Variants in AIG1 observed in about 807,000 individuals in gnomAD.
The protein encoded by AIG1 is androgen-induced gene 1 protein.
Under a neutral mutation model 31.4 loss-of-function variants are expected in AIG1, and 23 were observed. The observed-to-expected ratio is 0.73, with a 90% confidence interval of 0.53 to 1.04. The LOEUF (loss-of-function observed/expected upper bound fraction) is 1.04. Ranked by LOEUF, AIG1 falls within the 50% of genes least tolerant of loss-of-function variation. The pLI is 0.00. For synonymous variants in AIG1, 100 were observed against 110.5 expected, an observed-to-expected ratio of 0.90 and a Z score of 0.60; for missense variants, 274 against 295.0, an observed-to-expected ratio of 0.93 and a Z score of 0.52.
intron 1 of AIG1, among the ~76,000 whole-genome samples, chr6:143,096,347 G>T (rs1417119045): frequency 2.0e-5 from 3 of 152,190 alleles, no homozygotes; most frequent in Admixed American, 2.0e-4. Context: ...CTGAATATGG[G>T]CTTTTCCTGC....
At chr6:143,128,839 A>C (rs1029942868) in intron 1 of AIG1, among the ~76,000 whole-genome samples, 1 of 152,208 alleles carries the variant, frequency 6.6e-6, no homozygotes, top group African/African-American at 2.4e-5. Context: ...ACTGCTTCTT[A>C]AATAAGCAAA....
intron 4 of AIG1, among the ~76,000 whole-genome samples, chr6:143,311,457 T>C (rs1018980390): frequency 2.0e-5 from 3 of 151,892 alleles, no homozygotes; most frequent in Non-Finnish European, 4.4e-5. Flanking sequence ...AAAATAATTA[T>C]TCACCAAAAC....
intron 2 of AIG1, among the ~76,000 whole-genome samples, chr6:143,148,916 T>C (rs1481491979): frequency 6.6e-6 from 1 of 152,178 alleles, no homozygotes; most frequent in East Asian, 1.9e-4. Flanking sequence ...TACAATTGTG[T>C]TGCCGTTGCC....
In AIG1 at chr6:143,255,185, C is replaced by T. The variant is rs113468772; in HGVS notation, c.400-28925C>T. Among the ~76,000 whole-genome samples, 29 of 152,302 alleles carry T rather than the reference C, an allele frequency of 1.9e-4. 1 individual carries two copies. Among genetic ancestry groups the T allele is most frequent in the African/African-American group, 7.0e-4 (29 of 41,550 alleles). Reference sequence around the variant, plus strand: ...TCAGGTATGGAACAGCAGGGGCCTGCAGTTAGCAACAATAATTGAGCCACC... The same window carrying T: ...TCAGGTATGGAACAGCAGGGGCCTGTAGTTAGCAACAATAATTGAGCCACC... On this transcript the variant is annotated intron_variant, in intron 3 of 5. Transcript: ENST00000357847.
intron 3 of AIG1, among the ~76,000 whole-genome samples, chr6:143,232,601 T>G (rs750591449): frequency 2.0e-5 from 3 of 152,208 alleles, no homozygotes; most frequent in Non-Finnish European, 4.4e-5. Flanking sequence ...AAAAATTGAT[T>G]TTTCTAGCCC....
intron 3 of AIG1, among the ~76,000 whole-genome samples, chr6:143,263,467 A>T (rs1026124929): frequency 1.3e-5 from 2 of 152,118 alleles, no homozygotes; most frequent in African/African-American, 4.8e-5. Flanking sequence ...TTTCCTGTAC[A>T]TACACCACAT....
intron 1 of AIG1, among the ~76,000 whole-genome samples, chr6:143,085,235 C>T (rs930869892): frequency 1.2e-4 from 19 of 152,086 alleles, no homozygotes; most frequent in African/African-American, 4.3e-4. Context: ...TTGTGGAGAA[C>T]GTTTCCCATC....
chr6:143,229,489 C>A (rs529653507), intron 3 of AIG1, among the ~76,000 whole-genome samples: 1 of 152,122 alleles, frequency 6.6e-6, no homozygotes, highest in Non-Finnish European at 1.5e-5. Context: ...ATGTAATGGA[C>A]ATTTTCACAT....
chr6:143,170,048 A>T (rs796083981), intron 3 of AIG1, among the ~76,000 whole-genome samples: 1 of 151,928 alleles, frequency 6.6e-6, no homozygotes, highest in African/African-American at 2.4e-5. Context: ...TATAGTTTAA[A>T]TTTTTTGGTT....
intron 3 of AIG1, among the ~76,000 whole-genome samples, chr6:143,202,755 C>G (rs556507353): frequency 2.6e-5 from 4 of 152,166 alleles, no homozygotes; most frequent in African/African-American, 7.2e-5. Flanking sequence ...TATGGGGAAC[C>G]TGGATTTGAT....
chr6:143,183,499 A>G (rs545349635), intron 3 of AIG1, among the ~76,000 whole-genome samples: 3 of 152,168 alleles, frequency 2.0e-5, no homozygotes, highest in East Asian at 1.9e-4. Flanking sequence ...CGGTCAGACA[A>G]TGGCTTTTTA....
chr6:143,184,758 A>G (rs905440213), intron 3 of AIG1, among the ~76,000 whole-genome samples: 2 of 152,052 alleles, frequency 1.3e-5, no homozygotes, highest in African/African-American at 4.8e-5. Context: ...TTCCAAGTTT[A>G]CCTTTCTCCA....
intron 1 of AIG1, among the ~76,000 whole-genome samples, chr6:143,068,118 A>G (rs1562340061): frequency 6.6e-6 from 1 of 152,238 alleles, no homozygotes; most frequent in Admixed American, 6.5e-5. Flanking sequence ...ACAGAAAGTC[A>G]TCTGACCACT....
chr6:143,062,530 C>A (rs951810154), intron 1 of AIG1, among the ~76,000 whole-genome samples: 1 of 152,132 alleles, frequency 6.6e-6, no homozygotes, highest in Non-Finnish European at 1.5e-5. Context: ...TTTGATTGAA[C>A]AACAATGTCG....
At chr6:143,155,509 A>C (rs1039574222) in intron 2 of AIG1, among the ~76,000 whole-genome samples, 2 of 152,090 alleles carry the variant, frequency 1.3e-5, no homozygotes, top group Non-Finnish European at 2.9e-5. Context: ...AGCCTTTGGC[A>C]GCTTAGAGGA....
chr6:143,091,067 A>G (rs1188425515), intron 1 of AIG1, among the ~76,000 whole-genome samples: 1 of 150,882 alleles, frequency 6.6e-6, no homozygotes, highest in Non-Finnish European at 1.5e-5. Context: ...TCAAGAAAGC[A>G]TTTTCTTTGC....
intron 3 of AIG1, among the ~76,000 whole-genome samples, chr6:143,213,250 G>A (rs894882751): frequency 3.3e-5 from 5 of 152,100 alleles, no homozygotes; most frequent in Non-Finnish European, 7.4e-5. Flanking sequence ...ATTATTGTTA[G>A]CTATTAAATG....
intron 3 of AIG1, among the ~76,000 whole-genome samples, chr6:143,209,228 A>G (rs1349505650): frequency 1.3e-5 from 2 of 152,218 alleles, no homozygotes; most frequent in African/African-American, 4.8e-5. Flanking sequence ...CCAAACATCT[A>G]TTCTATATAG....
rs1223144547 is a variant in AIG1 at position 143,279,691 on chromosome 6, C to T, written c.400-4419C>T. ...GGAGTCAGTTCACTCCGCTCCATCA[C>T]GGGGGACCCACCAAGACCCCATTAA... On this transcript the variant is annotated intron_variant, in intron 3 of 5. Transcript: ENST00000357847. This position sits in a 1 kb window ranked among gnomAD's most constrained non-coding sequence, Gnocchi z 5.4. Among the ~76,000 whole-genome samples, 4 of 152,124 alleles carry T rather than the reference C, an allele frequency of 2.6e-5. No individual in the cohort carries two copies. Among genetic ancestry groups the T allele is most frequent in the African/African-American group, 7.2e-5 (3 of 41,412 alleles).
Sources: allele counts gnomAD v4.1 joint callset (sites outside exome capture counted in the v4.1 genomes callset), GRCh38; gene constraint gnomAD v4.1.1; non-coding constraint Gnocchi (gnomAD v3.1); transcripts MANE v1.5; gene names NCBI Gene and HGNC (gene_info 2026-07-23, HGNC 2026-07-21).